FBN3: variants seen among roughly 807,000 people sequenced by gnomAD.
FBN3 encodes the protein fibrillin-3.
In FBN3, 234 loss-of-function variants were observed where a neutral mutation model predicts 330.1. The ratio of observed to expected loss-of-function variants is 0.71; its 90% CI spans 0.64 to 0.79. The LOEUF is 0.79. Ranked by LOEUF, FBN3 falls within the 30% of genes least tolerant of loss-of-function variation. The pLI is 0.00. For synonymous variants in FBN3, 1,458 were observed against 1,517.3 expected, an observed-to-expected ratio of 0.96 and a Z score of 0.91; for missense variants, 3,606 against 3,886.9, an observed-to-expected ratio of 0.93 and a Z score of 1.92.
At chr19:8,077,744 C>T (rs1274606879) in intron 59 of FBN3, among the ~76,000 whole-genome samples, 5 of 152,092 alleles carry the variant, frequency 3.3e-5, no homozygotes, top group African/African-American at 1.2e-4. Context: ...CCTGAGCTGT[C>T]ACTTGAGGGG....
At chr19:8,147,025 T>C (rs2083561695) in intron 3 of FBN3, 79 bp downstream of exon 3, 1 of 1,324,052 alleles carries the variant, frequency 7.6e-7, no homozygotes, top group East Asian at 2.5e-5. Flanking sequence ...AGTCCCCGTG[T>C]AAACAGAGCT....
chr19:8,088,684 G>A (rs555293378), intron 51 of FBN3, among the ~76,000 whole-genome samples: 1 of 152,170 alleles, frequency 6.6e-6, no homozygotes, highest in Non-Finnish European at 1.5e-5. Flanking sequence ...GGCAAATGAG[G>A]AAACGAATGA....
At chr19:8,095,292 A>G (rs945226378) in intron 46 of FBN3, 83 bp downstream of exon 46, 17 of 1,414,276 alleles carry the variant, frequency 1.2e-5, no homozygotes, top group African/African-American at 4.3e-5. Context: ...AAATGGATCT[A>G]TGCTCACCCA....
At chr19:8,087,768 C>T (rs1248551414) in intron 53 of FBN3, 57 bp downstream of exon 53, 1 of 1,496,930 alleles carries the variant, frequency 6.7e-7, no homozygotes, top group East Asian at 2.3e-5. Context: ...GCCACCATGC[C>T]CAGCTAATTT....
intron 6 of FBN3, among the ~76,000 whole-genome samples, chr19:8,142,343 T>G (rs929128092): frequency 6.6e-6 from 1 of 152,102 alleles, no homozygotes; most frequent in Non-Finnish European, 1.5e-5. Context: ...TTCAAAGCAT[T>G]TCCTGACCAA....
Position 8,092,189 on chromosome 19 carries a change from A to C in FBN3, c.5906-599T>G, listed in dbSNP as rs537653113. ...CGAGACTCTGTCTCAAAAAAAAAAA[A>C]CCAAAAAACTAAAAGTAGAACTACC... On this transcript the variant is annotated intron_variant, in intron 47 of 63. Transcript: ENST00000600128. 8.1e-3 allele frequency among the ~76,000 whole-genome samples: 1,223 copies of C among 151,682 alleles called. 5 individuals carry two copies. Among genetic ancestry groups the C allele is most frequent in the Admixed American group, 0.014 (210 of 15,230 alleles).
At chr19:8,134,108 G>C (rs559935126) in intron 13 of FBN3, among the ~76,000 whole-genome samples, 6 of 151,718 alleles carry the variant, frequency 4.0e-5, no homozygotes, top group Non-Finnish European at 8.8e-5. Context: ...CGGGCGTGGT[G>C]GTGGGTGCCT....
At chr19:8,070,937 G>A (rs1205811767) in intron 63 of FBN3, among the ~76,000 whole-genome samples, 3 of 150,874 alleles carry the variant, frequency 2.0e-5, no homozygotes, top group Admixed American at 6.7e-5. Flanking sequence ...CAGGAGAATC[G>A]CCTGAACCCA....
Position 8,126,697 on chromosome 19 carries a change from C to A in FBN3, c.2416+16G>T. The A allele has an allele frequency of 6.3e-7, 1 of 1,581,708 alleles. No homozygotes were observed. The highest frequency in any genetic ancestry group is 8.6e-7 in the Non-Finnish European group (1 of 1,161,998). On this transcript the variant is annotated intron_variant, in intron 19 of 63. Coordinates refer to ENST00000600128, the MANE Select transcript of FBN3 (RefSeq NM_032447.5). ...GCCCAGCCTCTGGAACGCCGTCGGG[C>A]TCCGGGGCCGCTCACCTAGACAGAA...
At chr19:8,093,661 A>G (rs746202060) in intron 47 of FBN3, among the ~76,000 whole-genome samples, 2 of 151,946 alleles carry the variant, frequency 1.3e-5, no homozygotes, top group Non-Finnish European at 1.5e-5. Context: ...GTGATGAGTG[A>G]CTGTAATCCC....
intron 13 of FBN3, among the ~76,000 whole-genome samples, chr19:8,133,795 T>C (rs80029479): frequency 0.3 from 45,593 of 151,930 alleles, 7,943 homozygotes; most frequent in Non-Finnish European, 0.41. Flanking sequence ...GTGTGAATCT[T>C]ACTTCAATTT....
intron 18 of FBN3, among the ~76,000 whole-genome samples, chr19:8,127,397 A>C (rs2083020053): frequency 6.6e-6 from 1 of 152,136 alleles, no homozygotes. Flanking sequence ...AACACAACAC[A>C]GAATACATCA....
chr19:8,090,306 G>A (rs1180514291), intron 48 of FBN3, 55 bp from the exon 49 acceptor site: 3 of 1,600,726 alleles, frequency 1.9e-6, no homozygotes, highest in East Asian at 2.2e-5. Flanking sequence ...GTGCCCACCT[G>A]CCCCTGTGAC....
intron 26 of FBN3, 54 bp from the exon 27 acceptor site, chr19:8,117,643 G>C: frequency 6.7e-7 from 1 of 1,486,504 alleles, no homozygotes; most frequent in Non-Finnish European, 9.0e-7. Context: ...CCGTCTGTGT[G>C]ACCATGAGAC....
At position 8,096,516 on chromosome 19, in the gene FBN3, C is replaced by G; in HGVS notation, c.5467G>C (p.Asp1823His). Residue 1823 changes from aspartate (D) to histidine (H), a missense_variant, in exon 44 of 64, where the codon GAC (aspartate) becomes CAC (histidine). Coordinates refer to ENST00000600128, the MANE Select transcript of FBN3 (RefSeq NM_032447.5). The surrounding 1 kb of genome is among the most constrained non-coding windows in gnomAD (Gnocchi z 4.6). ...PNVCSHGDCM[D>H]TEGSYMCLCH... The stretch of plus-strand genomic sequence containing the variant: ...AGACACATGTAGCTGCCTTCTGTGT[C>G]CATGCAGTCACCATGGCTACAGACA... 1 of 1,613,958 alleles carries G rather than the reference C, an allele frequency of 6.2e-7. No homozygotes were observed. Among genetic ancestry groups the G allele is most frequent in the Non-Finnish European group, 8.5e-7 (1 of 1,179,974 alleles).
Position 8,136,515 on chromosome 19 carries a change from G to A in FBN3, c.1218C>T (p.Asn406=). The A allele has an allele frequency of 1.2e-6, 2 of 1,614,144 alleles. No individual in the cohort carries two copies. Among genetic ancestry groups the A allele is most frequent in the Non-Finnish European group, 1.7e-6 (2 of 1,180,000 alleles). ...AGTGTCGGCAGATGTCAATGGTCTG[G>A]TTCAGGGTAGCAGTGCCTACGGGTG... The part of the protein sequence containing the change: ...GNSNIGTATL[N]QTIDICRHFT... Residue 406 remains asparagine, a synonymous_variant, in exon 11 of 64, where the codon AAC becomes AAT. Coordinates refer to ENST00000600128, the MANE Select transcript of FBN3 (RefSeq NM_032447.5).
chr19:8,137,552 C>G (rs1222970859), intron 10 of FBN3, among the ~76,000 whole-genome samples: 2 of 152,100 alleles, frequency 1.3e-5, no homozygotes, highest in Admixed American at 1.3e-4. Flanking sequence ...GGCCTAAATC[C>G]TACATGACAG....
intron 16 of FBN3, among the ~76,000 whole-genome samples, chr19:8,130,669 A>G (rs372487002): frequency 0.12 from 4,816 of 40,658 alleles, 213 homozygotes; most frequent in Middle Eastern, 0.17. Context: ...GGAAAAGAAA[A>G]GAAAAGAAAA....
At position 8,130,635 on chromosome 19, in the gene FBN3, A is replaced by AAAG. The variant is rs1555750551; in HGVS notation, c.2044+599_2044+600insCTT. Reference sequence around the variant, plus strand: ...AAGAAAGAAAGAAAGAAAGAAAGAAAGAAAGAAAGGAAAGGAAAGGAAAGG... The same window carrying AAAG: ...AAGAAAGAAAGAAAGAAAGAAAGAAAAAGGAAAGAAAGGAAAGGAAAGGAAAGG... On this transcript the variant is annotated intron_variant, in intron 16 of 63. Transcript: ENST00000600128. Among the ~76,000 whole-genome samples the AAAG allele has an allele frequency of 3.9e-3, 19 of 4,898 alleles. 7 individuals are homozygous for AAAG. The African/African-American group carries it at 0.041, about 11-fold the overall frequency. The allele number at this position is 4,898 out of a possible 152,430, so 3.2% of individuals were successfully genotyped here. A position where few individuals can be genotyped will look rare whatever the true frequency, so the allele number is the denominator to read the frequency against.
Sources: allele counts gnomAD v4.1 joint callset (sites outside exome capture counted in the v4.1 genomes callset), GRCh38; gene constraint gnomAD v4.1.1; non-coding constraint Gnocchi (gnomAD v3.1); transcripts MANE v1.5; gene names NCBI Gene and HGNC (gene_info 2026-07-23, HGNC 2026-07-21).